The following DCDC1 variants were observed in gnomAD, a reference collection of about 807,000 sequenced individuals.
The protein encoded by DCDC1 is doublecortin domain-containing protein 1.
A neutral mutation model predicts 178.3 loss-of-function variants in DCDC1; 200 were observed. The observed-to-expected ratio is 1.12, with a 90% CI of 1.00 to 1.26. The LOEUF (loss-of-function observed/expected upper bound fraction) is 1.26, where lower values mean the gene tolerates loss of function less well. Ranked by LOEUF, DCDC1 falls within the 50% of genes most tolerant of loss-of-function variation. DCDC1 has a pLI of 0.00. For synonymous variants in DCDC1, 690 were observed against 604.8 expected (o/e 1.14, Z -2.07); for missense variants, 1,983 against 1,749.2 (o/e 1.13, Z -2.38).
intron 20 of DCDC1, among the ~76,000 whole-genome samples, chr11:31,029,708 T>C (rs1953493181): frequency 6.6e-6 from 1 of 152,288 alleles, no homozygotes; most frequent in Non-Finnish European, 1.5e-5. Flanking sequence ...TTCTACCTGA[T>C]ACTTCTTTAT....
At chr11:30,901,311 T>G (rs1392423079) in intron 32 of DCDC1, among the ~76,000 whole-genome samples, 1 of 152,162 alleles carries the variant, frequency 6.6e-6, no homozygotes, top group Non-Finnish European at 1.5e-5. Flanking sequence ...ATACATCATC[T>G]CATGTGATTC....
intron 9 of DCDC1, among the ~76,000 whole-genome samples, chr11:31,168,010 C>A (rs1966853347): frequency 6.6e-6 from 1 of 152,296 alleles, no homozygotes; most frequent in Non-Finnish European, 1.5e-5. Context: ...CTCATAGGCA[C>A]ACACATGCAT....
At chr11:31,338,823 T>C (rs191065309) in intron 1 of DCDC1, among the ~76,000 whole-genome samples, 130 of 152,264 alleles carry the variant, frequency 8.5e-4, no homozygotes, top group Admixed American at 3.3e-3. Flanking sequence ...AGCAACAAAA[T>C]AGAAGATCTT....
chr11:31,215,596 C>A (rs1157256402), intron 9 of DCDC1, among the ~76,000 whole-genome samples: 1 of 151,600 alleles, frequency 6.6e-6, no homozygotes, highest in Non-Finnish European at 1.5e-5. Context: ...AGATTGAGAC[C>A]ATCCTGGCCA....
intron 20 of DCDC1, among the ~76,000 whole-genome samples, chr11:31,003,817 A>G (rs117939754): frequency 1.8e-3 from 272 of 152,348 alleles, no homozygotes; most frequent in South Asian, 3.7e-3. Flanking sequence ...GATGGATTTT[A>G]GAAAGAGCAC....
chr11:31,105,939 T>C (rs762938757), intron 13 of DCDC1, among the ~76,000 whole-genome samples: 39 of 152,212 alleles, frequency 2.6e-4, no homozygotes, highest in Non-Finnish European at 5.1e-4. Flanking sequence ...CCTTATTCTG[T>C]TCTACAGATA....
intron 6 of DCDC1, among the ~76,000 whole-genome samples, chr11:31,294,963 G>A (rs928725111): frequency 2.6e-5 from 4 of 152,072 alleles, no homozygotes; most frequent in African/African-American, 4.8e-5. Flanking sequence ...ATTTTATTCC[G>A]GATGTGATGG....
chr11:30,912,282 CTTT>C (rs377614698), intron 27 of DCDC1, among the ~76,000 whole-genome samples: 1 of 146,034 alleles, frequency 6.8e-6, no homozygotes, highest in East Asian at 2.0e-4. Context: ...TTCAGGTATT[CTTT>C]TTTTTTTTTC....
chr11:31,265,436 TTAAAG>T (rs1591583617), intron 8 of DCDC1, 66 bp downstream of exon 8: 2 of 813,476 alleles, frequency 2.5e-6, no homozygotes, highest in Non-Finnish European at 3.5e-6. Flanking sequence ...TTTTAAATGT[TTAAAG>T]TAAAAACAAA....
intron 20 of DCDC1, among the ~76,000 whole-genome samples, chr11:31,021,871 T>C (rs1952901387): frequency 1.3e-5 from 2 of 152,254 alleles, no homozygotes; most frequent in Admixed American, 1.3e-4. Flanking sequence ...AAACCCTTAT[T>C]ATATAAGTGA....
chr11:31,162,853 T>C (rs208093), intron 9 of DCDC1, among the ~76,000 whole-genome samples: 45,587 of 152,104 alleles, frequency 0.3, 8,320 homozygotes, highest in East Asian at 0.63. Context: ...CATTTACCTA[T>C]ACATGTTTAA....
At chr11:31,223,764 C>A (rs1048857151) in intron 9 of DCDC1, among the ~76,000 whole-genome samples, 1 of 151,916 alleles carries the variant, frequency 6.6e-6, no homozygotes. Flanking sequence ...TATAGTATAT[C>A]ATTTATATAA....
chr11:31,333,713 C>G (rs1264825185), intron 2 of DCDC1, among the ~76,000 whole-genome samples: 1 of 152,182 alleles, frequency 6.6e-6, no homozygotes, highest in Non-Finnish European at 1.5e-5. Flanking sequence ...GGACCCCACA[C>G]TCTTCTGGTT....
At chr11:31,216,969 T>C in intron 9 of DCDC1, among the ~76,000 whole-genome samples, 1 of 152,288 alleles carries the variant, frequency 6.6e-6, no homozygotes, top group East Asian at 1.9e-4. Flanking sequence ...GAACTTTACT[T>C]CAATAAATAT....
At chr11:30,995,192 A>G (rs1951193949) in intron 20 of DCDC1, among the ~76,000 whole-genome samples, 1 of 152,144 alleles carries the variant, frequency 6.6e-6, no homozygotes, top group African/African-American at 2.4e-5. Flanking sequence ...GCACTTAGGT[A>G]TAAGTCTTTT....
intron 20 of DCDC1, among the ~76,000 whole-genome samples, chr11:31,048,337 A>G (rs1000213052): frequency 6.6e-6 from 1 of 152,196 alleles, no homozygotes; most frequent in African/African-American, 2.4e-5. Context: ...ACACAATGAA[A>G]AAAGTTTAGC....
At chr11:31,101,166 T>C (rs911661747) in intron 15 of DCDC1, among the ~76,000 whole-genome samples, 4 of 152,148 alleles carry the variant, frequency 2.6e-5, no homozygotes, top group African/African-American at 4.8e-5. Context: ...CAGGGCCCAA[T>C]TGATAGGAAG....
chr11:31,254,073 C>A (rs571452678), intron 8 of DCDC1, among the ~76,000 whole-genome samples: 1 of 152,208 alleles, frequency 6.6e-6, no homozygotes, highest in East Asian at 1.9e-4. Flanking sequence ...AGTTATAGGG[C>A]AAAATAATAC....
chr11:31,306,151 C>G (rs776619559), intron 5 of DCDC1, 81 bp downstream of exon 5: 38 of 1,235,694 alleles, frequency 3.1e-5, no homozygotes, highest in Non-Finnish European at 4.0e-5. Flanking sequence ...AAAATATTAA[C>G]AATAATTTTC....
Sources: allele counts gnomAD v4.1 joint callset (sites outside exome capture counted in the v4.1 genomes callset), GRCh38; gene constraint gnomAD v4.1.1; transcripts MANE v1.5; gene names NCBI Gene and HGNC (gene_info 2026-07-23, HGNC 2026-07-21).